The following DEPTOR variants were observed in gnomAD, a reference collection of about 807,000 sequenced individuals.
The protein encoded by DEPTOR is DEP domain containing MTOR interacting protein.
A neutral mutation model predicts 41.6 loss-of-function variants in DEPTOR; 41 were observed. The ratio of observed to expected loss-of-function variants is 0.98; its 90% CI spans 0.77 to 1.28. The LOEUF (loss-of-function observed/expected upper bound fraction) is 1.28, where lower values mean the gene tolerates loss of function less well. Among genes scored for constraint, DEPTOR ranks in the 50% most tolerant of loss-of-function variants. The probability of loss-of-function intolerance (pLI) is 0.00; values close to 1 mark genes in which losing one functional copy is unlikely to be tolerated. For synonymous variants in DEPTOR, 195 were observed against 192.3 expected (o/e 1.01, Z -0.12); for missense variants, 514 against 527.9 (o/e 0.97, Z 0.26).
intron 3 of DEPTOR, among the ~76,000 whole-genome samples, chr8:119,957,790 T>C (rs1318031920): frequency 6.6e-6 from 1 of 152,144 alleles, no homozygotes; most frequent in Non-Finnish European, 1.5e-5. Context: ...GGTTTCACCA[T>C]GTTGGCCAGG....
In DEPTOR at chr8:119,928,515, TCTGA is replaced by T; in HGVS notation, c.240_243del (p.Asp81GlufsTer11). On this transcript the variant is annotated frameshift_variant, in exon 2 of 9. Transcript: ENST00000286234. LOFTEE classifies it high-confidence loss of function. Reference sequence around the variant, plus strand: ...CTGGCTGATTGAACACAAAGAGGCTTCTGACAGAGAGACGGCAATTAAACTCATG... The same window carrying T: ...CTGGCTGATTGAACACAAAGAGGCTTCAGAGAGACGGCAATTAAACTCATG... The T allele has an allele frequency of 6.2e-7, 1 of 1,614,174 alleles. No individual in the cohort carries two copies. The highest frequency in any genetic ancestry group is 2.2e-5 in the East Asian group (1 of 44,880).
chr8:120,022,038 G>A (rs1489214335), intron 8 of DEPTOR, among the ~76,000 whole-genome samples: 1 of 151,814 alleles, frequency 6.6e-6, no homozygotes, highest in African/African-American at 2.4e-5. Flanking sequence ...GCACGTAGTA[G>A]TCCCAGCTAC....
chr8:120,020,652 C>T (rs775917908), intron 8 of DEPTOR, among the ~76,000 whole-genome samples: 7 of 152,270 alleles, frequency 4.6e-5, no homozygotes, highest in Admixed American at 1.3e-4. Context: ...GGGCTGCTGT[C>T]GAAGAGGCTT....
intron 1 of DEPTOR, among the ~76,000 whole-genome samples, chr8:119,907,762 G>C (rs574801176): frequency 6.7e-6 from 1 of 149,786 alleles, no homozygotes; most frequent in South Asian, 2.1e-4. Context: ...CCTGGCAACA[G>C]AGAGAGACTC....
At chr8:119,959,596 G>A (rs989962416) in intron 3 of DEPTOR, among the ~76,000 whole-genome samples, 10 of 151,190 alleles carry the variant, frequency 6.6e-5, no homozygotes, top group Non-Finnish European at 1.3e-4. Flanking sequence ...GTGCGATCTC[G>A]GTTCACTGCA....
chr8:119,988,980 T>A (rs578217812), intron 4 of DEPTOR, among the ~76,000 whole-genome samples: 1,748 of 134,330 alleles, frequency 0.013, 21 homozygotes, highest in South Asian at 0.057. Flanking sequence ...TTTTTTTTTT[T>A]AATAGAGATG....
chr8:119,898,742 C>T (rs570761550), intron 1 of DEPTOR, among the ~76,000 whole-genome samples: 1 of 150,402 alleles, frequency 6.6e-6, no homozygotes, highest in African/African-American at 2.4e-5. Flanking sequence ...AAAAAAAAAG[C>T]CTTATATTTT....
chr8:120,007,814 A>G (rs1812467766), intron 7 of DEPTOR, among the ~76,000 whole-genome samples: 1 of 152,328 alleles, frequency 6.6e-6, no homozygotes, highest in East Asian at 1.9e-4. Flanking sequence ...GAAATTGAGT[A>G]TAATATACAA....
At chr8:120,030,182 C>T (rs1038246161) in intron 8 of DEPTOR, among the ~76,000 whole-genome samples, 11 of 152,154 alleles carry the variant, frequency 7.2e-5, no homozygotes, top group Non-Finnish European at 5.9e-5. Flanking sequence ...GGACCCTCAT[C>T]TGTGTAAGCT....
chr8:120,013,297 G>A lies in DEPTOR; in HGVS notation c.1101+4164G>A, dbSNP rs375519062. ...GTTTGTTGGTTAAATTACAATGATA[G>A]CAAATACCATGTCCTTCCGTATAGT... On this transcript the variant is annotated intron_variant, in intron 8 of 8. Coordinates refer to ENST00000286234, the MANE Select transcript of DEPTOR (RefSeq NM_022783.4). Among the ~76,000 whole-genome samples the A allele has an allele frequency of 3.2e-4, 49 of 152,210 alleles. 1 individual carries two copies. Among genetic ancestry groups the A allele is most frequent in the African/African-American group, 1.1e-3 (46 of 41,540 alleles).
At chr8:119,964,271 C>T (rs1410917109) in intron 3 of DEPTOR, among the ~76,000 whole-genome samples, 2 of 152,092 alleles carry the variant, frequency 1.3e-5, no homozygotes, top group Non-Finnish European at 2.9e-5. Context: ...AATCTTGGCA[C>T]TTTGGGAGGC....
intron 8 of DEPTOR, among the ~76,000 whole-genome samples, chr8:120,023,171 AT>A (rs1277921381): frequency 6.6e-6 from 1 of 152,146 alleles, no homozygotes; most frequent in Non-Finnish European, 1.5e-5. Flanking sequence ...ATCTTTTCTC[AT>A]TAGGCCACTA....
Position 119,995,913 on chromosome 8 carries a change from A to G in DEPTOR, c.605-5612A>G, listed in dbSNP as rs181234649. Among the ~76,000 whole-genome samples, 4 of 152,332 alleles carry G rather than the reference A, an allele frequency of 2.6e-5. 1 individual carries two copies. In the South Asian group the frequency reaches 6.2e-4, roughly 24 times the overall value. Reference sequence around the variant, plus strand: ...TCAGCTTTTGAAGCTGTGATTATATATATTAAACCTAAAACTTTACTCACA... The same window carrying G: ...TCAGCTTTTGAAGCTGTGATTATATGTATTAAACCTAAAACTTTACTCACA... On this transcript the variant is annotated intron_variant, in intron 4 of 8. Transcript: ENST00000286234.
At chr8:119,951,551 C>T (rs755103065) in intron 3 of DEPTOR, among the ~76,000 whole-genome samples, 4 of 152,180 alleles carry the variant, frequency 2.6e-5, no homozygotes, top group Non-Finnish European at 4.4e-5. Context: ...ATATCAGTCT[C>T]TTCAGAGTGT....
chr8:119,967,753 CAAAA>C (rs369574750), intron 4 of DEPTOR, among the ~76,000 whole-genome samples: 7 of 85,054 alleles, frequency 8.2e-5, no homozygotes, highest in African/African-American at 8.4e-5. Flanking sequence ...GACTTCGTCC[CAAAA>C]AAAAAAAAAA....
intron 4 of DEPTOR, among the ~76,000 whole-genome samples, chr8:119,988,386 G>A (rs1310130194): frequency 6.6e-6 from 1 of 152,190 alleles, no homozygotes; most frequent in East Asian, 1.9e-4. Flanking sequence ...TACCTCAGTT[G>A]GAAATGCAGA....
At chr8:120,021,664 A>G (rs972627143) in intron 8 of DEPTOR, among the ~76,000 whole-genome samples, 3 of 152,182 alleles carry the variant, frequency 2.0e-5, no homozygotes, top group Non-Finnish European at 4.4e-5. Flanking sequence ...GCAGTATACT[A>G]TTCCAATTCT....
At chr8:119,961,497 TC>T (rs1384127275) in intron 3 of DEPTOR, among the ~76,000 whole-genome samples, 1 of 152,074 alleles carries the variant, frequency 6.6e-6, no homozygotes, top group Non-Finnish European at 1.5e-5. Flanking sequence ...ATCTTTGAAT[TC>T]CTTGTCCAGT....
At chr8:119,918,826 T>G (rs1827850070) in intron 1 of DEPTOR, among the ~76,000 whole-genome samples, 2 of 151,984 alleles carry the variant, frequency 1.3e-5, no homozygotes, top group African/African-American at 2.4e-5. Context: ...ACTCCCAACC[T>G]CAGGTGATCT....
Sources: gnomAD v4.1 joint callset for allele counts (sites outside exome capture counted in the v4.1 genomes callset) on GRCh38, gnomAD v4.1.1 for gene constraint, MANE v1.5 for transcripts, NCBI Gene and HGNC (gene_info 2026-07-23, HGNC 2026-07-21) for gene names.